SH3RF3: variants seen among roughly 807,000 people sequenced by gnomAD.
SH3RF3 encodes the protein E3 ubiquitin-protein ligase SH3RF3.
In SH3RF3, 29 loss-of-function variants were observed where a neutral mutation model predicts 66.3. That is an observed-to-expected ratio of 0.44 (90% CI 0.33 to 0.60). The LOEUF is 0.60. Ranked by LOEUF, SH3RF3 falls within the 20% of genes least tolerant of loss-of-function variation. The probability of loss-of-function intolerance (pLI) is 0.04; values close to 1 mark genes in which losing one functional copy is unlikely to be tolerated. For missense variants in SH3RF3, 1,194 were observed against 1,190.9 expected (o/e 1.00, Z -0.04); for synonymous variants, 583 against 532.0 (o/e 1.10, Z -1.32).
intron 3 of SH3RF3, among the ~76,000 whole-genome samples, chr2:109,379,828 A>AC (rs991786928): frequency 1.3e-5 from 2 of 152,020 alleles, no homozygotes; most frequent in African/African-American, 4.8e-5. Context: ...AGAAGCGAGG[A>AC]CCAGAAGGCA....
intron 1 of SH3RF3, among the ~76,000 whole-genome samples, chr2:109,169,638 G>T (rs937369356): frequency 2.6e-5 from 4 of 151,936 alleles, no homozygotes; most frequent in Admixed American, 2.6e-4. Flanking sequence ...GTTTAATAGG[G>T]TTGGGCAATG....
intron 8 of SH3RF3, among the ~76,000 whole-genome samples, chr2:109,478,466 A>G (rs1488233204): frequency 6.6e-6 from 1 of 152,128 alleles, no homozygotes; most frequent in Non-Finnish European, 1.5e-5. Flanking sequence ...TTTGGTTTGA[A>G]TGTATTCAGT....
At position 109,266,838 on chromosome 2, in the gene SH3RF3, C is replaced by T. The variant is rs1319882966; in HGVS notation, c.574-80836C>T. ...GGAGTCACCTCATGTTATTTAATCA[C>T]CCTCCAAATATTCAGAGCTGGAGAC... On this transcript the variant is annotated intron_variant, in intron 1 of 9. Transcript: ENST00000309415. 2.6e-5 allele frequency among the ~76,000 whole-genome samples: 4 copies of T among 152,150 alleles called. No individual in the cohort carries two copies. The South Asian group carries it at 6.2e-4, about 24-fold the overall frequency.
chr2:109,374,734 C>T (rs1184511612), intron 3 of SH3RF3, among the ~76,000 whole-genome samples: 5 of 152,244 alleles, frequency 3.3e-5, no homozygotes, highest in Admixed American at 2.0e-4. Flanking sequence ...GTCTCCTCCA[C>T]AGCCGCTCCA....
chr2:109,143,784 A>AAACT (rs1677025117), intron 1 of SH3RF3, among the ~76,000 whole-genome samples: 1 of 140,668 alleles, frequency 7.1e-6, no homozygotes, highest in East Asian at 2.0e-4. Flanking sequence ...ACAAACAAAC[A>AAACT]AAAGGCTGCC....
chr2:109,143,828 A>ACG (rs1677026502), intron 1 of SH3RF3, among the ~76,000 whole-genome samples: 1 of 151,942 alleles, frequency 6.6e-6, no homozygotes, highest in Non-Finnish European at 1.5e-5. Context: ...ACACACACAC[A>ACG]CACACGTATA....
chr2:109,421,408 C>A (rs550670528), intron 5 of SH3RF3, among the ~76,000 whole-genome samples: 1 of 152,200 alleles, frequency 6.6e-6, no homozygotes, highest in Non-Finnish European at 1.5e-5. Flanking sequence ...CAGCTTGAGG[C>A]GAGCTCAAGG....
chr2:109,200,296 T>C (rs1489914102), intron 1 of SH3RF3, among the ~76,000 whole-genome samples: 1 of 152,190 alleles, frequency 6.6e-6, no homozygotes, highest in Non-Finnish European at 1.5e-5. Context: ...GTCTGTTTGC[T>C]CAGAGGCCTT....
intron 1 of SH3RF3, among the ~76,000 whole-genome samples, chr2:109,148,744 C>T (rs1348488579): frequency 6.6e-6 from 1 of 152,192 alleles, no homozygotes; most frequent in African/African-American, 2.4e-5. Context: ...TCTGAAGTTA[C>T]TGGGGCTCGG....
At chr2:109,163,025 A>G (rs1031483525) in intron 1 of SH3RF3, among the ~76,000 whole-genome samples, 1 of 152,132 alleles carries the variant, frequency 6.6e-6, no homozygotes, top group African/African-American at 2.4e-5. Flanking sequence ...AAGTCCCCCA[A>G]AGTCTGTATA....
chr2:109,357,058 A>G (rs1275609873), intron 2 of SH3RF3, among the ~76,000 whole-genome samples: 1 of 151,600 alleles, frequency 6.6e-6, no homozygotes, highest in Non-Finnish European at 1.5e-5. Flanking sequence ...TACCTTTTTA[A>G]AATTTTTTTT....
intron 1 of SH3RF3, among the ~76,000 whole-genome samples, chr2:109,309,296 G>A (rs938155439): frequency 6.7e-6 from 1 of 150,078 alleles, no homozygotes; most frequent in African/African-American, 2.5e-5. Context: ...CTTTGCTGAA[G>A]TTGCTTATCA....
chr2:109,284,099 G>T (rs894472322), intron 1 of SH3RF3, among the ~76,000 whole-genome samples: 2 of 152,118 alleles, frequency 1.3e-5, no homozygotes, highest in Non-Finnish European at 2.9e-5. Context: ...CAGATCCACC[G>T]TAATGAAAGA....
intron 1 of SH3RF3, among the ~76,000 whole-genome samples, chr2:109,255,565 G>T (rs1486244412): frequency 6.6e-6 from 1 of 152,200 alleles, no homozygotes; most frequent in Non-Finnish European, 1.5e-5. Context: ...TCTCACCAAG[G>T]TTGCTATCAC....
chr2:109,204,828 C>G lies in SH3RF3; in HGVS notation c.573+74715C>G, dbSNP rs541835202. ...GCCATTGAACTTGTTTCTTGATTCCCTGTATTTTCTGTAGCGTGGAAGTGG... is the reference window on the plus strand; with the variant it reads ...GCCATTGAACTTGTTTCTTGATTCCGTGTATTTTCTGTAGCGTGGAAGTGG... On this transcript the variant is annotated intron_variant, in intron 1 of 9. Coordinates refer to ENST00000309415, the MANE Select transcript of SH3RF3 (RefSeq NM_001099289.3). Among the ~76,000 whole-genome samples the G allele has an allele frequency of 4.6e-5, 7 of 152,204 alleles. No individual in the cohort carries two copies. The South Asian group carries it at 1.5e-3, about 32-fold the overall frequency.
chr2:109,453,402 A>T (rs1325089481), intron 8 of SH3RF3, among the ~76,000 whole-genome samples: 1 of 152,228 alleles, frequency 6.6e-6, no homozygotes, highest in African/African-American at 2.4e-5. Context: ...TGCTTGAAAC[A>T]ACCATGGAAC....
rs558134642 is a variant in SH3RF3 at position 109,175,052 on chromosome 2, G to A, written c.573+44939G>A. On this transcript the variant is annotated intron_variant, in intron 1 of 9. Coordinates refer to ENST00000309415, the MANE Select transcript of SH3RF3 (RefSeq NM_001099289.3). Reference sequence around the variant, plus strand: ...GAGTAGCCTTTATTTGAGTCGCACAGCAAAATCCCATATTTAAATGATTTT... The same window carrying A: ...GAGTAGCCTTTATTTGAGTCGCACAACAAAATCCCATATTTAAATGATTTT... Among the ~76,000 whole-genome samples the A allele has an allele frequency of 3.9e-4, 59 of 152,160 alleles. 1 individual carries two copies. Among genetic ancestry groups the A allele is most frequent in the Middle Eastern group, 6.8e-3 (2 of 294 alleles).
chr2:109,347,840 A>C lies in SH3RF3; in HGVS notation c.740A>C (p.Tyr247Ser). The change falls in exon 2 of 10, where the codon TAT becomes TCT. Residue 247 changes from tyrosine to serine, a missense_variant. Transcript: ENST00000309415. ...ACACAGGGCTTCCTCCCAGCCAGCT[A>C]TATCCAGTGCATCCAGCCCTTGCCA... ...HGTQGFLPASYIQCIQPLPHA... is the reference protein window; with the variant it reads ...HGTQGFLPASSIQCIQPLPHA... The C allele has an allele frequency of 6.2e-7, 1 of 1,613,946 alleles. No individual in the cohort carries two copies. Among genetic ancestry groups the C allele is most frequent in the Non-Finnish European group, 8.5e-7 (1 of 1,179,850 alleles).
At chr2:109,189,187 T>G (rs1006609209) in intron 1 of SH3RF3, among the ~76,000 whole-genome samples, 3 of 151,912 alleles carry the variant, frequency 2.0e-5, no homozygotes, top group African/African-American at 7.3e-5. Flanking sequence ...TGGAAAATGC[T>G]GCTTCTGATA....
Sources: allele counts gnomAD v4.1 joint callset (sites outside exome capture counted in the v4.1 genomes callset), GRCh38; gene constraint gnomAD v4.1.1; transcripts MANE v1.5; gene names NCBI Gene and HGNC (gene_info 2026-07-23, HGNC 2026-07-21).